PTPRE: variants seen among roughly 807,000 people sequenced by gnomAD.
PTPRE encodes the protein protein tyrosine phosphatase receptor type E, also known as receptor-type tyrosine-protein phosphatase epsilon.
Under a neutral mutation model 102.0 loss-of-function variants are expected in PTPRE, and 51 were observed. The ratio of observed to expected loss-of-function variants is 0.50; its 90% CI spans 0.40 to 0.63. The LOEUF (loss-of-function observed/expected upper bound fraction) is 0.63. PTPRE is among the 30% of genes least tolerant of loss of function. PTPRE has a pLI of 0.00. For missense variants in PTPRE, 752 were observed against 915.1 expected, an observed-to-expected ratio of 0.82 and a Z score of 2.30; for synonymous variants, 345 against 348.2, an observed-to-expected ratio of 0.99 and a Z score of 0.10.
chr10:128,020,351 A>C (rs969857445), intron 2 of PTPRE, among the ~76,000 whole-genome samples: 3 of 152,222 alleles, frequency 2.0e-5, no homozygotes, highest in Non-Finnish European at 2.9e-5. Context: ...TTGCTGATTA[A>C]TATTATGACG....
intron 1 of PTPRE, among the ~76,000 whole-genome samples, chr10:127,967,288 T>C (rs1850327936): frequency 1.3e-5 from 2 of 152,368 alleles, no homozygotes; most frequent in South Asian, 2.1e-4. Flanking sequence ...CAAATTGCTA[T>C]GGTTTGGCTG....
intron 1 of PTPRE, among the ~76,000 whole-genome samples, chr10:127,952,577 C>T (rs1333669919): frequency 6.6e-6 from 1 of 152,134 alleles, no homozygotes; most frequent in Non-Finnish European, 1.5e-5. Context: ...TAAAAATCAC[C>T]TACAGCCCCT....
In PTPRE at chr10:128,083,084, G is replaced by A; in HGVS notation, c.*178G>A. The A allele has an allele frequency of 4.2e-6, 2 of 471,592 alleles. No individual in the cohort carries two copies. Among genetic ancestry groups the A allele is most frequent in the Non-Finnish European group, 6.9e-6 (2 of 291,006 alleles). 29.2% of individuals were successfully genotyped at this position (471,592 alleles called of 1,614,324 possible). A position where few individuals can be genotyped will look rare whatever the true frequency, so the allele number is the denominator to read the frequency against. ...ATCTTAAATATGCTTTTTAAAAATTGGAATAATGTATTAAGGTCAAATAAT... is the reference window on the plus strand; with the variant it reads ...ATCTTAAATATGCTTTTTAAAAATTAGAATAATGTATTAAGGTCAAATAAT... On this transcript the variant is annotated 3_prime_UTR_variant, in exon 21 of 21. Transcript: ENST00000254667.
chr10:128,079,756 T>C (rs950142435), intron 20 of PTPRE, 61 bp downstream of exon 20: 1 of 1,556,474 alleles, frequency 6.4e-7, no homozygotes, highest in Non-Finnish European at 8.8e-7. Context: ...TTGTATTTGA[T>C]GTATGTTTCA....
chr10:128,053,755 T>A (rs3935271), intron 6 of PTPRE, among the ~76,000 whole-genome samples: 40,266 of 150,322 alleles, frequency 0.27, 5,448 homozygotes, highest in Middle Eastern at 0.32. Context: ...TCTTTTAATT[T>A]ATTTATTTAT....
At chr10:127,925,517 A>G (rs1042824979) in intron 1 of PTPRE, among the ~76,000 whole-genome samples, 1 of 152,188 alleles carries the variant, frequency 6.6e-6, no homozygotes, top group Non-Finnish European at 1.5e-5. Flanking sequence ...CTCAGAATCA[A>G]TAGTGAAGCT....
chr10:127,977,836 G>A (rs1283428056), intron 1 of PTPRE, among the ~76,000 whole-genome samples: 1 of 152,164 alleles, frequency 6.6e-6, no homozygotes, highest in African/African-American at 2.4e-5. Flanking sequence ...CTGTTCCGAT[G>A]TTGTCACCAT....
At chr10:127,927,306 A>T (rs923186455) in intron 1 of PTPRE, among the ~76,000 whole-genome samples, 1 of 152,184 alleles carries the variant, frequency 6.6e-6, no homozygotes, top group African/African-American at 2.4e-5. Context: ...ACACAAAACT[A>T]TCATTGGCTG....
At position 127,944,661 on chromosome 10, in the gene PTPRE, T is replaced by A. The variant is rs1206647895; in HGVS notation, c.-31+37352T>A. Among the ~76,000 whole-genome samples, 1 of 152,080 alleles carries A rather than the reference T, an allele frequency of 6.6e-6. No individual in the cohort carries two copies. The highest frequency in any genetic ancestry group is 2.4e-5 in the African/African-American group (1 of 41,398). ...GATTTTGCACATAATAGAAGGTCAT[T>A]TGAGGAGATTGAGCAGGAGAGTGAC... is the stretch of plus-strand genomic sequence containing the variant. On this transcript the variant is annotated intron_variant, in intron 1 of 20. Transcript: ENST00000254667. This position sits in a 1 kb window ranked among gnomAD's most constrained non-coding sequence, Gnocchi z 4.2.
intron 1 of PTPRE, among the ~76,000 whole-genome samples, chr10:127,931,465 G>A (rs1313137755): frequency 6.6e-6 from 1 of 152,178 alleles, no homozygotes; most frequent in Non-Finnish European, 1.5e-5. Context: ...CTCAAAGTCC[G>A]CCTCAAGGCA....
chr10:128,021,094 G>A (rs1010450388), intron 2 of PTPRE, among the ~76,000 whole-genome samples: 1 of 152,030 alleles, frequency 6.6e-6, no homozygotes, highest in Non-Finnish European at 1.5e-5. Flanking sequence ...ATGGAGTTTC[G>A]CCGTGTTAGC....
chr10:128,043,520 A>G (rs938715332), intron 3 of PTPRE, among the ~76,000 whole-genome samples: 3 of 152,256 alleles, frequency 2.0e-5, no homozygotes, highest in Admixed American at 1.3e-4. Flanking sequence ...CCACAGACTG[A>G]TATCCATCTG....
At position 128,047,374 on chromosome 10, in the gene PTPRE, T is replaced by C; in HGVS notation, c.110-16T>C. 1.2e-6 allele frequency: 2 copies of C among 1,611,844 alleles called. No homozygotes were observed. The highest frequency in any genetic ancestry group is 1.7e-4 in the Middle Eastern group (1 of 5,904). ...AAGTGAGGTCAGGGGTTAGGGTCTT[T>C]CTGCTTCTCCTGCAGGCCCTCCGGA... On this transcript the variant is annotated splice_polypyrimidine_tract_variant and intron_variant, in intron 3 of 20. Transcript: ENST00000254667.
At chr10:128,074,683 T>G (rs971620935) in intron 17 of PTPRE, among the ~76,000 whole-genome samples, 1 of 151,236 alleles carries the variant, frequency 6.6e-6, no homozygotes, top group African/African-American at 2.4e-5. Context: ...AAAAAAAAAG[T>G]TTCTTGAACA....
At chr10:127,998,544 A>G (rs932626003) in intron 2 of PTPRE, 2 of 152,244 alleles carry the variant, frequency 1.3e-5, no homozygotes, top group African/African-American at 4.8e-5. Flanking sequence ...TCCTTGGCAC[A>G]TAGAAAGTGC....
chr10:127,949,299 C>G (rs1189097161), intron 1 of PTPRE, among the ~76,000 whole-genome samples: 1 of 152,130 alleles, frequency 6.6e-6, no homozygotes, highest in African/African-American at 2.4e-5. Context: ...TATGCATATT[C>G]TATTAGTTCT....
rs1239760236 is a variant in PTPRE at position 128,008,216 on chromosome 10, C to T, written c.-8+25920C>T. On this transcript the variant is annotated intron_variant, in intron 2 of 20. Coordinates refer to ENST00000254667, the MANE Select transcript of PTPRE (RefSeq NM_006504.6). The surrounding 1 kb of genome is among the most constrained non-coding windows in gnomAD (Gnocchi z 4.0). ...CTGTCTGCAGCCCCGCTGGCTCGTC[C>T]GCCCTCGCCTCCCTCCCTCCCTTTC... 1.3e-5 allele frequency among the ~76,000 whole-genome samples: 2 copies of T among 152,176 alleles called. No individual in the cohort carries two copies. The highest frequency in any genetic ancestry group is 3.4e-3 in the Middle Eastern group (1 of 292).
At chr10:128,063,255 T>A (rs902207794) in intron 10 of PTPRE, 75 bp downstream of exon 10, 1 of 1,568,144 alleles carries the variant, frequency 6.4e-7, no homozygotes, top group African/African-American at 1.3e-5. Context: ...TTCTTACCAC[T>A]TCCTTTTCCT....
At chr10:128,053,977 T>A (rs1388848052) in intron 6 of PTPRE, among the ~76,000 whole-genome samples, 1 of 152,052 alleles carries the variant, frequency 6.6e-6, no homozygotes, top group East Asian at 1.9e-4. Context: ...GCCAGGCTGG[T>A]CTTGAACTCC....
Sources: allele counts gnomAD v4.1 joint callset (sites outside exome capture counted in the v4.1 genomes callset), GRCh38; gene constraint gnomAD v4.1.1; non-coding constraint Gnocchi (gnomAD v3.1); transcripts MANE v1.5; gene names NCBI Gene and HGNC (gene_info 2026-07-23, HGNC 2026-07-21).